Variants in CR1L observed in about 807,000 individuals in gnomAD.
CR1L encodes complement component receptor 1-like protein.
CR1L carries 59 observed loss-of-function variants against 62.3 expected under a neutral mutation model. That is an observed-to-expected ratio of 0.95 (90% CI 0.77 to 1.18). The LOEUF is 1.18. CR1L is among the 50% of genes most tolerant of loss of function. The pLI is 0.00. For missense variants in CR1L, 700 were observed against 702.8 expected, an observed-to-expected ratio of 1.00 and a Z score of 0.04; for synonymous variants, 279 against 248.7, an observed-to-expected ratio of 1.12 and a Z score of -1.15.
intron 3 of CR1L, among the ~76,000 whole-genome samples, chr1:207,679,754 T>C (rs1370019221): frequency 1.3e-5 from 2 of 152,178 alleles, no homozygotes; most frequent in African/African-American, 4.8e-5. Flanking sequence ...TAGAATATTA[T>C]TCAATACCAA....
intron 1 of CR1L, among the ~76,000 whole-genome samples, chr1:207,651,065 G>C (rs530208907): frequency 1.3e-5 from 2 of 152,108 alleles, no homozygotes; most frequent in Non-Finnish European, 2.9e-5. Flanking sequence ...GATTACAGAC[G>C]TGAGCCACTG....
intron 1 of CR1L, among the ~76,000 whole-genome samples, chr1:207,660,774 G>A (rs1453954585): frequency 6.6e-6 from 1 of 152,112 alleles, no homozygotes; most frequent in African/African-American, 2.4e-5. Flanking sequence ...TTTCTTTTGT[G>A]GGCATTTAGT....
At chr1:207,714,052 C>A (rs1282288776) in intron 10 of CR1L, among the ~76,000 whole-genome samples, 4 of 152,220 alleles carry the variant, frequency 2.6e-5, no homozygotes, top group Non-Finnish European at 5.9e-5. Context: ...GTCCTGAGTT[C>A]TTGTCCCGCA....
At chr1:207,694,168 A>G (rs1462986823) in intron 4 of CR1L, among the ~76,000 whole-genome samples, 185 bp from the exon 5 acceptor site, 1 of 152,218 alleles carries the variant, frequency 6.6e-6, no homozygotes, top group Non-Finnish European at 1.5e-5. Flanking sequence ...ATTATAGGAA[A>G]TCATATAAGT....
chr1:207,689,634 TA>T (rs1289879440), intron 4 of CR1L, among the ~76,000 whole-genome samples: 1 of 152,072 alleles, frequency 6.6e-6, no homozygotes, highest in African/African-American at 2.4e-5. Flanking sequence ...TAAAATGTGT[TA>T]AAAATTGTTT....
At chr1:207,660,190 C>T (rs563296314) in intron 1 of CR1L, among the ~76,000 whole-genome samples, 5 of 152,344 alleles carry the variant, frequency 3.3e-5, no homozygotes, top group South Asian at 2.1e-4. Context: ...GCACAGCATT[C>T]GAGCTCCTAT....
intron 10 of CR1L, among the ~76,000 whole-genome samples, chr1:207,713,456 G>A (rs1229985652): frequency 1.2e-4 from 19 of 152,232 alleles, no homozygotes; most frequent in Admixed American, 1.2e-3. Flanking sequence ...TTTGCCAGCT[G>A]GTGACCTCTG....
chr1:207,705,660 A>T (rs1664254933), intron 9 of CR1L, among the ~76,000 whole-genome samples: 2 of 152,230 alleles, frequency 1.3e-5, no homozygotes, highest in African/African-American at 2.4e-5. Context: ...GAGCATTTTT[A>T]AAAATACAAT....
chr1:207,691,407 T>G (rs1046335259), intron 4 of CR1L, among the ~76,000 whole-genome samples: 68 of 151,952 alleles, frequency 4.5e-4, no homozygotes, highest in African/African-American at 1.4e-3. Context: ...AAACATCATA[T>G]GGTAAAGTTT....
chr1:207,707,678 C>T (rs1664288727), intron 9 of CR1L, among the ~76,000 whole-genome samples: 1 of 151,978 alleles, frequency 6.6e-6, no homozygotes, highest in Non-Finnish European at 1.5e-5. Context: ...TTATTTCAAT[C>T]CATTTGGTTT....
At position 207,697,831 on chromosome 1, in the gene CR1L, A is replaced by G. The variant is rs1341121461; in HGVS notation, c.1100A>G (p.Asn367Ser). 1.2e-6 allele frequency: 2 copies of G among 1,613,852 alleles called. No individual in the cohort carries two copies. The highest frequency in any genetic ancestry group is 2.7e-5 in the African/African-American group (2 of 74,920). Residue 367 changes from asparagine to serine, a missense_variant, in exon 7 of 12, where the codon AAT (asparagine) becomes AGT (serine). Coordinates refer to ENST00000508064, the MANE Select transcript of CR1L (RefSeq NM_175710.2). ...LPNGHVLFPL[N>S]LQLGAKVDFV... ...AATGGCCATGTGCTATTTCCACTTAATCTCCAGCTTGGAGCAAAAGTGGAT... is the reference window on the plus strand; with the variant it reads ...AATGGCCATGTGCTATTTCCACTTAGTCTCCAGCTTGGAGCAAAAGTGGAT...
chr1:207,721,150 T>C (rs1654127633), intron 11 of CR1L, among the ~76,000 whole-genome samples: 1 of 152,160 alleles, frequency 6.6e-6, no homozygotes, highest in Non-Finnish European at 1.5e-5. Context: ...ACAGAAACTG[T>C]TTAACCTCAC....
chr1:207,665,481 C>G (rs75088854), intron 1 of CR1L, among the ~76,000 whole-genome samples: 5,809 of 151,984 alleles, frequency 0.038, 175 homozygotes, highest in South Asian at 0.12. Flanking sequence ...ACTGCAACCT[C>G]CATCTCCAGG....
At chr1:207,698,714 A>G (rs188052438) in intron 7 of CR1L, among the ~76,000 whole-genome samples, 3 of 152,272 alleles carry the variant, frequency 2.0e-5, no homozygotes, top group African/African-American at 7.2e-5. Flanking sequence ...CAGCAGCCCA[A>G]ATTGCCCTTT....
intron 1 of CR1L, among the ~76,000 whole-genome samples, chr1:207,672,925 A>T (rs1663635963): frequency 6.6e-6 from 1 of 152,204 alleles, no homozygotes; most frequent in Admixed American, 6.5e-5. Flanking sequence ...CAACATCAAA[A>T]CTGTCCTACA....
Position 207,697,403 on chromosome 1 carries a change from G to C in CR1L, c.863-100G>C, listed in dbSNP as rs538719211. On this transcript the variant is annotated intron_variant, in intron 5 of 11. Coordinates refer to ENST00000508064, the MANE Select transcript of CR1L (RefSeq NM_175710.2). ...ATAAGGCTGTTATTCTACCTTTTTT[G>C]TTACATATAGATTTGTAATTATTAT... 3.1e-6 allele frequency: 5 copies of C among 1,595,342 alleles called. No homozygotes were observed. The African/African-American group carries it at 6.8e-5, about 22-fold the overall frequency.
chr1:207,681,652 A>T (rs1247409027), intron 3 of CR1L, among the ~76,000 whole-genome samples: 1 of 152,184 alleles, frequency 6.6e-6, no homozygotes, highest in Non-Finnish European at 1.5e-5. Flanking sequence ...GAGGAAAAAA[A>T]ATGCCAATTT....
rs1435450213 is a variant in CR1L, at chr1:207,669,546, C to A, written c.98-7843C>A. 11 of 1,568,802 alleles carry A rather than the reference C, an allele frequency of 7.0e-6. No homozygotes were observed. The East Asian group carries it at 1.8e-4, about 26-fold the overall frequency. ...CCCTGCTGGCGGTCGTGGTGCTGCT[C>A]GCGCTGCCGGTGGCCTGGGGTGAAA... On this transcript the variant is annotated intron_variant, in intron 1 of 11. Transcript: ENST00000508064.
intron 4 of CR1L, among the ~76,000 whole-genome samples, chr1:207,691,463 C>T (rs1663995764): frequency 6.6e-6 from 1 of 151,668 alleles, no homozygotes; most frequent in Non-Finnish European, 1.5e-5. Flanking sequence ...GTGTTTGAAA[C>T]ATTTAAATTT....
Sources: allele counts gnomAD v4.1 joint callset (sites outside exome capture counted in the v4.1 genomes callset), GRCh38; gene constraint gnomAD v4.1.1; transcripts MANE v1.5; gene names NCBI Gene and HGNC (gene_info 2026-07-23, HGNC 2026-07-21).